The following MFHAS1 variants were observed in gnomAD, a reference collection of about 807,000 sequenced individuals.
The protein encoded by MFHAS1 is multifunctional ROCO family signaling regulator 1.
In MFHAS1, 50 loss-of-function variants were observed where a neutral mutation model predicts 70.4. The observed-to-expected ratio is 0.71, with a 90% CI of 0.57 to 0.90. The LOEUF is 0.90. MFHAS1 is among the 40% of genes least tolerant of loss of function. The pLI is 0.00. For missense variants in MFHAS1, 1,795 were observed against 1,347.6 expected, an observed-to-expected ratio of 1.33 and a Z score of -5.20; for synonymous variants, 952 against 620.0, an observed-to-expected ratio of 1.54 and a Z score of -7.96.
intron 1 of MFHAS1, among the ~76,000 whole-genome samples, chr8:8,815,272 G>T (rs1806698673): frequency 6.6e-6 from 1 of 152,102 alleles, no homozygotes; most frequent in South Asian, 2.1e-4. Flanking sequence ...ATCATTGATG[G>T]GCATTTGGGT....
chr8:8,870,207 A>C (rs1161251819), intron 1 of MFHAS1, among the ~76,000 whole-genome samples: 1 of 151,392 alleles, frequency 6.6e-6, no homozygotes, highest in Non-Finnish European at 1.5e-5. Context: ...TAATCCCAGC[A>C]CTTCGGGAGG....
In MFHAS1 at chr8:8,785,108, T is replaced by G. The variant is rs1009919348; in HGVS notation, c.*914A>C. 6.6e-6 allele frequency: 1 copy of G among 152,328 alleles called. No individual in the cohort carries two copies. The allele number at this position is 152,328 out of a possible 1,614,324, so 9.4% of individuals were successfully genotyped here. On this transcript the variant is annotated 3_prime_UTR_variant, in exon 3 of 3. Coordinates refer to ENST00000276282, the MANE Select transcript of MFHAS1 (RefSeq NM_004225.3). Reference sequence around the variant, plus strand: ...TTATTAAGCAGAGCACTTTGTAAGATTCAGAACTGACTCCTGATTATCTTA... The same window carrying G: ...TTATTAAGCAGAGCACTTTGTAAGAGTCAGAACTGACTCCTGATTATCTTA...
At chr8:8,792,525 G>A (rs1057007469) in intron 2 of MFHAS1, among the ~76,000 whole-genome samples, 1 of 152,092 alleles carries the variant, frequency 6.6e-6, no homozygotes, top group Non-Finnish European at 1.5e-5. Flanking sequence ...AGAATTGCTT[G>A]AACCCAGGAG....
At chr8:8,841,064 G>A (rs1474746640) in intron 1 of MFHAS1, among the ~76,000 whole-genome samples, 2 of 152,128 alleles carry the variant, frequency 1.3e-5, no homozygotes, top group African/African-American at 4.8e-5. Flanking sequence ...ATAATAAAAT[G>A]TAGGGCAATT....
intron 1 of MFHAS1, among the ~76,000 whole-genome samples, chr8:8,872,287 G>A (rs1222019505): frequency 1.3e-5 from 2 of 152,220 alleles, no homozygotes; most frequent in East Asian, 1.9e-4. Context: ...TCTTCCTCCT[G>A]CTTTACAGTG....
At chr8:8,799,173 G>A (rs1044484554) in intron 1 of MFHAS1, among the ~76,000 whole-genome samples, 1 of 152,092 alleles carries the variant, frequency 6.6e-6, no homozygotes. Flanking sequence ...CAGTACCGAA[G>A]ACTATACAGA....
intron 1 of MFHAS1, among the ~76,000 whole-genome samples, chr8:8,858,573 G>T (rs1439801681): frequency 6.6e-6 from 1 of 151,992 alleles, no homozygotes; most frequent in African/African-American, 2.4e-5. Flanking sequence ...GCCTTTTGGG[G>T]GATACTCTCT....
chr8:8,853,694 G>A (rs1478597981), intron 1 of MFHAS1, among the ~76,000 whole-genome samples: 1 of 152,162 alleles, frequency 6.6e-6, no homozygotes, highest in African/African-American at 2.4e-5. Flanking sequence ...AGCCTCCTGA[G>A]TAGCTGAGAT....
chr8:8,855,922 G>A (rs1458967890), intron 1 of MFHAS1, among the ~76,000 whole-genome samples: 5 of 152,164 alleles, frequency 3.3e-5, no homozygotes, highest in African/African-American at 4.8e-5. Flanking sequence ...TTACTGACAA[G>A]GTAATGTGAA....
chr8:8,855,368 C>G (rs1470388502), intron 1 of MFHAS1, among the ~76,000 whole-genome samples: 4 of 152,218 alleles, frequency 2.6e-5, no homozygotes, highest in African/African-American at 7.2e-5. Flanking sequence ...AGAGCCAGAC[C>G]TGAACTAGAA....
intron 1 of MFHAS1, chr8:8,821,815 G>C (rs28755903): frequency 0.79 from 119,556 of 152,184 alleles, 47,055 homozygotes; most frequent in East Asian, 0.9. Context: ...GCTGGGTTTA[G>C]TCACCGTAGG....
intron 1 of MFHAS1, among the ~76,000 whole-genome samples, chr8:8,811,462 G>T (rs532508779): frequency 6.6e-6 from 1 of 152,016 alleles, no homozygotes; most frequent in South Asian, 2.1e-4. Context: ...ATTTTTTGTA[G>T]AGATGAGGTC....
Position 8,892,815 on chromosome 8 carries a change from G to T in MFHAS1, c.244C>A (p.Leu82Met), listed in dbSNP as rs1391073791. ...CGCAGGCTGCCCAGCGCCGACCCCA[G>T]CCCCTCGGGTACCTCCTCCAGGCCG... ...NNGLEEVPEG[L>M]GSALGSLRVL... Residue 82 changes from leucine to methionine, a missense_variant, in exon 1 of 3, where the codon CTG (leucine) becomes ATG (methionine). Coordinates refer to ENST00000276282, the MANE Select transcript of MFHAS1 (RefSeq NM_004225.3). The surrounding 1 kb of genome is among the most constrained non-coding windows in gnomAD (Gnocchi z 4.7). 1 of 1,590,852 alleles carries T rather than the reference G, an allele frequency of 6.3e-7. No individual in the cohort carries two copies. The highest frequency in any genetic ancestry group is 2.3e-5 in the East Asian group (1 of 43,716).
chr8:8,881,659 C>T (rs914645720), intron 1 of MFHAS1, among the ~76,000 whole-genome samples: 2 of 152,058 alleles, frequency 1.3e-5, no homozygotes, highest in African/African-American at 4.8e-5. Context: ...CATGGTGAAA[C>T]GCTGTCTCTA....
chr8:8,892,252 GA>G lies in MFHAS1; in HGVS notation c.806del (p.Phe269SerfsTer73), dbSNP rs755430379. ...NNGLQALPAQFSCLQRLKMLN... is the reference protein window; with the variant it reads ...NNGLQALPAQXSCLQRLKMLN... Reference sequence around the variant, plus strand: ...GCATTTTGAGCCGCTGCAGGCAGCTGAACTGGGCGGGCAGAGCCTGCAGCCC... The same window carrying G: ...GCATTTTGAGCCGCTGCAGGCAGCTGACTGGGCGGGCAGAGCCTGCAGCCC... On this transcript the variant is annotated frameshift_variant, in exon 1 of 3. Coordinates refer to ENST00000276282, the MANE Select transcript of MFHAS1 (RefSeq NM_004225.3). LOFTEE classifies it high-confidence loss of function. The surrounding 1 kb of genome is among the most constrained non-coding windows in gnomAD (Gnocchi z 4.7). 1 of 1,612,062 alleles carries G rather than the reference GA, an allele frequency of 6.2e-7. No individual in the cohort carries two copies. The highest frequency in any genetic ancestry group is 8.5e-7 in the Non-Finnish European group (1 of 1,180,040).
chr8:8,872,954 G>T (rs771553641), intron 1 of MFHAS1, among the ~76,000 whole-genome samples: 1 of 152,086 alleles, frequency 6.6e-6, no homozygotes, highest in Non-Finnish European at 1.5e-5. Flanking sequence ...AGAGTGAGAC[G>T]GAGACAACCG....
intron 1 of MFHAS1, among the ~76,000 whole-genome samples, chr8:8,859,666 T>C (rs940808236): frequency 6.6e-6 from 1 of 152,198 alleles, no homozygotes; most frequent in Admixed American, 6.5e-5. Context: ...TTCCTTACGG[T>C]TTTCTCAGTA....
chr8:8,797,513 C>T (rs3748144), intron 1 of MFHAS1, 22 bp from the exon 2 acceptor site: 1,246,898 of 1,608,754 alleles, frequency 0.78, 484,957 homozygotes, highest in East Asian at 0.9. Flanking sequence ...GAGAGAAAAA[C>T]GTGTTAGGGA....
At chr8:8,852,155 T>C (rs537924437) in intron 1 of MFHAS1, among the ~76,000 whole-genome samples, 62 of 152,196 alleles carry the variant, frequency 4.1e-4, no homozygotes, top group African/African-American at 1.4e-3. Flanking sequence ...CCAAGCAAGG[T>C]ATAAATGTCA....
Sources: gnomAD v4.1 joint callset for allele counts (sites outside exome capture counted in the v4.1 genomes callset) on GRCh38, gnomAD v4.1.1 for gene constraint, Gnocchi (gnomAD v3.1) non-coding constraint, MANE v1.5 for transcripts, NCBI Gene and HGNC (gene_info 2026-07-23, HGNC 2026-07-21) for gene names.